SLC30A8: variants seen among roughly 807,000 people sequenced by gnomAD.
SLC30A8 encodes proton-coupled zinc antiporter SLC30A8.
Under a neutral mutation model 36.9 loss-of-function variants are expected in SLC30A8, and 27 were observed. The observed-to-expected ratio is 0.73, with a 90% CI of 0.54 to 1.01. The LOEUF (loss-of-function observed/expected upper bound fraction) is 1.01. Among genes scored for constraint, SLC30A8 ranks in the 50% least tolerant of loss-of-function variants. The pLI is 0.00. For synonymous variants in SLC30A8, 164 were observed against 172.4 expected, an observed-to-expected ratio of 0.95 and a Z score of 0.38; for missense variants, 439 against 452.0, an observed-to-expected ratio of 0.97 and a Z score of 0.26.
At chr8:116,976,850 C>T (rs1815047220) in intron 1 of SLC30A8, among the ~76,000 whole-genome samples, 10 of 134,988 alleles carry the variant, frequency 7.4e-5, no homozygotes, top group Admixed American at 3.9e-4. Context: ...CAGAGTCTCT[C>T]TCTGTTGCCA....
chr8:117,059,327 C>A (rs1817962739), intron 2 of SLC30A8, among the ~76,000 whole-genome samples: 1 of 152,166 alleles, frequency 6.6e-6, no homozygotes, highest in Non-Finnish European at 1.5e-5. Flanking sequence ...AGGCAGGAAA[C>A]TACAAATAAC....
intron 1 of SLC30A8, among the ~76,000 whole-genome samples, chr8:117,140,082 G>C (rs1424580359): frequency 6.6e-6 from 1 of 151,912 alleles, no homozygotes; most frequent in Non-Finnish European, 1.5e-5. Flanking sequence ...AAGTTGAAAA[G>C]TACAATAAAT....
Position 117,172,593 on chromosome 8 carries a change from G to A in SLC30A8, c.1022G>A (p.Ser341Asn), listed in dbSNP as rs759290516. Residue 341 changes from serine (S) to asparagine (N), a missense_variant, in exon 8 of 8, where the codon AGC (serine) becomes AAC (asparagine). Physicochemically the swap from Ser to Asn is conservative, Grantham distance 46. Transcript: ENST00000456015. Reference sequence around the variant, plus strand: ...GAAATTGCTAAAGCCCTTAGCAAAAGCTTTACGATGCACTCACTCACCATT... The same window carrying A: ...GAAATTGCTAAAGCCCTTAGCAAAAACTTTACGATGCACTCACTCACCATT... ...RREIAKALSK[S>N]FTMHSLTIQM... is the part of the protein sequence containing the mutation. 6 of 1,613,762 alleles carry A rather than the reference G, an allele frequency of 3.7e-6. No homozygotes were observed. Among genetic ancestry groups the A allele is most frequent in the East Asian group, 2.2e-5 (1 of 44,866 alleles).
Position 116,977,573 on chromosome 8 carries a change from G to A in SLC30A8, c.-266+26454G>A, listed in dbSNP as rs1161607366. 2.1e-5 allele frequency among the ~76,000 whole-genome samples: 3 copies of A among 143,494 alleles called. No individual in the cohort carries two copies. The Admixed American group carries it at 2.1e-4, about 10-fold the overall frequency. 94.1% of individuals were successfully genotyped at this position (143,494 alleles called of 152,430 possible). On this transcript the variant is annotated intron_variant, in intron 1 of 10. Transcript: ENST00000427715. ...GTCGCCCAGGCTGGAGTGCAGTGGT[G>A]CGATCTCTGCTCACTGCAACCTCCG...
chr8:117,099,152 C>T (rs1239774677), intron 2 of SLC30A8, among the ~76,000 whole-genome samples: 1 of 152,126 alleles, frequency 6.6e-6, no homozygotes. Flanking sequence ...CTGTGGAATG[C>T]CTACAGCCAA....
In SLC30A8 at chr8:117,094,841, C is replaced by T. The variant is rs569967027; in HGVS notation, c.-225-40439C>T. Reference sequence around the variant, plus strand: ...GTGAGTACTGAGCTGCCCTTAGCCCCACCTCAGCCTCCTTCCCATGCTTGT... The same window carrying T: ...GTGAGTACTGAGCTGCCCTTAGCCCTACCTCAGCCTCCTTCCCATGCTTGT... On this transcript the variant is annotated intron_variant, in intron 2 of 10. Transcript: ENST00000427715. 2.6e-5 allele frequency among the ~76,000 whole-genome samples: 4 copies of T among 152,320 alleles called. No individual in the cohort carries two copies. In the South Asian group the frequency reaches 8.3e-4, roughly 32 times the overall value.
chr8:117,105,124 T>C (rs916820206), intron 2 of SLC30A8, among the ~76,000 whole-genome samples: 2 of 152,156 alleles, frequency 1.3e-5, no homozygotes, highest in African/African-American at 4.8e-5. Context: ...GCCAACCTCC[T>C]GTCTCATTCT....
intron 1 of SLC30A8, among the ~76,000 whole-genome samples, chr8:116,956,579 AAAC>A (rs1227000629): frequency 6.6e-6 from 1 of 152,200 alleles, no homozygotes; most frequent in Non-Finnish European, 1.5e-5. Context: ...CATGTTAAAA[AAAC>A]AGTGTATATC....
At chr8:117,100,494 C>G (rs1819661720) in intron 2 of SLC30A8, among the ~76,000 whole-genome samples, 1 of 152,110 alleles carries the variant, frequency 6.6e-6, no homozygotes, top group South Asian at 2.1e-4. Context: ...CCCATGCTTT[C>G]CCCCGCTGTA....
intron 2 of SLC30A8, among the ~76,000 whole-genome samples, chr8:117,111,228 T>G (rs1341620335): frequency 6.6e-6 from 1 of 152,184 alleles, no homozygotes; most frequent in Non-Finnish European, 1.5e-5. Flanking sequence ...TATTGTTGTT[T>G]TCTGACATGT....
At chr8:117,091,319 T>C (rs1819115431) in intron 2 of SLC30A8, among the ~76,000 whole-genome samples, 2 of 152,202 alleles carry the variant, frequency 1.3e-5, no homozygotes, top group Non-Finnish European at 2.9e-5. Context: ...TGTAATTTTG[T>C]ACACACTGAA....
At chr8:117,122,616 A>C (rs1034454646) in intron 2 of SLC30A8, among the ~76,000 whole-genome samples, 1 of 152,012 alleles carries the variant, frequency 6.6e-6, no homozygotes, top group Non-Finnish European at 1.5e-5. Context: ...CTGTGGCCCC[A>C]GATGAATGCA....
chr8:117,102,736 C>T (rs1819781873), intron 2 of SLC30A8, among the ~76,000 whole-genome samples: 1 of 152,170 alleles, frequency 6.6e-6, no homozygotes, highest in Admixed American at 6.6e-5. Context: ...CTATGGGTGC[C>T]TGTGTGTTTC....
chr8:117,166,337 A>G (rs1823055274), intron 6 of SLC30A8, among the ~76,000 whole-genome samples: 1 of 152,202 alleles, frequency 6.6e-6, no homozygotes, highest in African/African-American at 2.4e-5. Flanking sequence ...AAGGTGATTT[A>G]TCATTGCTAC....
At chr8:116,987,030 A>G (rs1482550105) in intron 1 of SLC30A8, among the ~76,000 whole-genome samples, 1 of 152,176 alleles carries the variant, frequency 6.6e-6, no homozygotes, top group Non-Finnish European at 1.5e-5. Context: ...GTAAAGACAC[A>G]ATATGATAGC....
chr8:116,985,646 C>G (rs1444709736), intron 1 of SLC30A8, among the ~76,000 whole-genome samples: 2 of 151,898 alleles, frequency 1.3e-5, no homozygotes, highest in African/African-American at 4.8e-5. Context: ...ATAATATCAA[C>G]AAATTCTTCT....
intron 2 of SLC30A8, chr8:117,128,377 T>G (rs756179707): frequency 2.0e-5 from 3 of 152,070 alleles, no homozygotes; most frequent in Non-Finnish European, 4.4e-5. Flanking sequence ...GATGCTACCT[T>G]ATAGTCACCA....
At chr8:117,085,984 G>T (rs148573828) in intron 2 of SLC30A8, among the ~76,000 whole-genome samples, 6 of 152,320 alleles carry the variant, frequency 3.9e-5, no homozygotes, top group Non-Finnish European at 8.8e-5. Context: ...AAACTGACAA[G>T]TTTGGAACTG....
chr8:116,975,894 G>A (rs917268902), intron 1 of SLC30A8, among the ~76,000 whole-genome samples: 6 of 152,150 alleles, frequency 3.9e-5, no homozygotes, highest in Non-Finnish European at 1.5e-5. Flanking sequence ...CTCTCAGCTC[G>A]TGGGAGGTAG....
Sources: gnomAD v4.1 joint callset for allele counts (sites outside exome capture counted in the v4.1 genomes callset) on GRCh38, gnomAD v4.1.1 for gene constraint, MANE v1.5 for transcripts, NCBI Gene and HGNC (gene_info 2026-07-23, HGNC 2026-07-21) for gene names.